USP54: variants seen among roughly 807,000 people sequenced by gnomAD.
USP54 encodes ubiquitin carboxyl-terminal hydrolase 54.
In USP54, 87 loss-of-function variants were observed where a neutral mutation model predicts 170.5. That is an observed-to-expected ratio of 0.51 (90% CI 0.43 to 0.61). USP54 has a LOEUF of 0.61. Among genes scored for constraint, USP54 ranks in the 20% least tolerant of loss-of-function variants. The pLI, the probability that USP54 is intolerant of heterozygous loss-of-function variation, is 0.00. For synonymous variants in USP54, 655 were observed against 742.8 expected (o/e 0.88, Z 1.92); for missense variants, 1,786 against 2,047.8 (o/e 0.87, Z 2.47).
chr10:73,608,581 A>C (rs903501707), intron 1 of USP54, among the ~76,000 whole-genome samples: 6 of 152,166 alleles, frequency 3.9e-5, no homozygotes. Flanking sequence ...CTCACAGATA[A>C]GGGAAGTGAG....
intron 16 of USP54, among the ~76,000 whole-genome samples, chr10:73,524,670 AC>A (rs2133350636): frequency 6.6e-6 from 1 of 152,330 alleles, no homozygotes; most frequent in Admixed American, 6.5e-5. Flanking sequence ...TTCAGCACTT[AC>A]TATGTGCCAG....
intron 1 of USP54, among the ~76,000 whole-genome samples, chr10:73,621,344 GT>G (rs928448864): frequency 6.7e-6 from 1 of 149,890 alleles, no homozygotes; most frequent in Non-Finnish European, 1.5e-5. Context: ...GCTCACGCCT[GT>G]AATCCCAGCA....
At chr10:73,529,265 A>C (rs1177363549) in intron 15 of USP54, 4 of 217,382 alleles carry the variant, frequency 1.8e-5, no homozygotes, top group African/African-American at 9.3e-5. Flanking sequence ...ACATGAACAC[A>C]CAGAGGGGAA....
intron 1 of USP54, among the ~76,000 whole-genome samples, chr10:73,623,972 A>G (rs2081279267): frequency 6.6e-6 from 1 of 151,836 alleles, no homozygotes; most frequent in Admixed American, 6.6e-5. Flanking sequence ...AGAGCTTGTT[A>G]TTGGATTCAT....
intron 1 of USP54, among the ~76,000 whole-genome samples, chr10:73,624,943 T>C (rs2081401436): frequency 6.6e-6 from 1 of 152,338 alleles, no homozygotes; most frequent in Middle Eastern, 3.4e-3. Context: ...AAACTATCCC[T>C]AGATTTAGTG....
At chr10:73,601,079 C>T (rs1319682519) in intron 1 of USP54, among the ~76,000 whole-genome samples, 1 of 152,052 alleles carries the variant, frequency 6.6e-6, no homozygotes, top group Non-Finnish European at 1.5e-5. Flanking sequence ...CTTTTCTAAA[C>T]CAATTTCATG....
upstream of USP54, among the ~76,000 whole-genome samples, chr10:73,593,028 C>T (rs981964962): frequency 6.6e-6 from 1 of 152,128 alleles, no homozygotes; most frequent in Non-Finnish European, 1.5e-5. Flanking sequence ...TGGGTAACTA[C>T]AAGTTTTTGT....
At chr10:73,557,258 G>C (rs73272369) in intron 4 of USP54, among the ~76,000 whole-genome samples, 119 of 151,998 alleles carry the variant, frequency 7.8e-4, no homozygotes, top group African/African-American at 2.8e-3. Flanking sequence ...AAATATTTTA[G>C]TGATATGAGA....
chr10:73,560,107 C>T (rs948705614), intron 4 of USP54, among the ~76,000 whole-genome samples: 1 of 151,964 alleles, frequency 6.6e-6, no homozygotes, highest in African/African-American at 2.4e-5. Flanking sequence ...TTATTAGCCT[C>T]ATCAAACATC....
chr10:73,554,589 G>A (rs2070486303), intron 4 of USP54, among the ~76,000 whole-genome samples: 1 of 152,070 alleles, frequency 6.6e-6, no homozygotes, highest in African/African-American at 2.4e-5. Context: ...AATAACATAG[G>A]ATTTTAACAT....
chr10:73,520,944 A>G lies in USP54; in HGVS notation c.2446T>C (p.Cys816Arg). Residue 816 changes from cysteine (C) to arginine (R), a missense_variant, in exon 18 of 24, where the codon TGT (cysteine) becomes CGT (arginine). Transcript: ENST00000687698. Reference protein sequence around the residue: ...ESLHLEQKGDCAAALALCNEA... With the variant: ...ESLHLEQKGDRAAALALCNEA... ...TTACAGAGAGCCAAAGCTGCAGCAC[A>G]GTCTCCTTTCTGTTCCAGATGTAGT... 1.2e-6 allele frequency: 2 copies of G among 1,614,214 alleles called. No homozygotes were observed. The highest frequency in any genetic ancestry group is 1.7e-6 in the Non-Finnish European group (2 of 1,180,038).
chr10:73,539,329 A>T, intron 10 of USP54, 115 bp downstream of exon 10: 3 of 540,692 alleles, frequency 5.5e-6, no homozygotes, highest in Non-Finnish European at 8.0e-6. Context: ...TATATGTTTT[A>T]TAGAAATGTG....
rs750715188 is a variant in USP54, at chr10:73,526,710, T to G, written c.2131A>C (p.Ser711Arg). ...GCTGTGGAGTCTACCTCCAGGATGC[T>G]ACTGCTGTGCGACTTTGGGATATGA... Reference protein sequence around the residue: ...WRHIPKSHSSSILEVDSTASM... With the variant: ...WRHIPKSHSSRILEVDSTASM... The change falls in exon 16 of 24, where the codon AGC becomes CGC. Residue 711 changes from serine to arginine, a missense_variant. Coordinates refer to ENST00000687698, the MANE Select transcript of USP54 (RefSeq NM_001391956.1). 6.2e-7 allele frequency: 1 copy of G among 1,614,066 alleles called. No individual in the cohort carries two copies. The highest frequency in any genetic ancestry group is 1.3e-5 in the African/African-American group (1 of 74,922).
chr10:73,557,878 C>CTTTTTTT (rs765656681), intron 4 of USP54, among the ~76,000 whole-genome samples: 9 of 114,986 alleles, frequency 7.8e-5, no homozygotes, highest in East Asian at 3.0e-4. Flanking sequence ...AGCTATTATT[C>CTTTTTTT]TTTTTTTTTT....
intron 16 of USP54, among the ~76,000 whole-genome samples, chr10:73,524,868 T>C (rs1308566039): frequency 1.3e-5 from 2 of 152,166 alleles, no homozygotes; most frequent in Admixed American, 6.5e-5. Flanking sequence ...AAATTCATAA[T>C]CATGCTCTAA....
At position 73,530,838 on chromosome 10, in the gene USP54, G is replaced by A; in HGVS notation, c.1316-3C>T. The A allele has an allele frequency of 6.2e-7, 1 of 1,613,554 alleles. No individual in the cohort carries two copies. The highest frequency in any genetic ancestry group is 8.5e-7 in the Non-Finnish European group (1 of 1,179,770). On this transcript the variant is annotated splice_region_variant and splice_polypyrimidine_tract_variant and intron_variant, in intron 12 of 23. Coordinates refer to ENST00000687698, the MANE Select transcript of USP54 (RefSeq NM_001391956.1). ...ACATTCACTATCAGTCAGGTGTCCT[G>A]AAAAAACAAGGAAATTGGGGTAAGC...
At chr10:73,579,334 T>C (rs1323810439) in intron 1 of USP54, among the ~76,000 whole-genome samples, 1 of 152,180 alleles carries the variant, frequency 6.6e-6, no homozygotes, top group African/African-American at 2.4e-5. Context: ...ATGTCTGCTC[T>C]TTGGAAGACA....
intron 1 of USP54, among the ~76,000 whole-genome samples, chr10:73,599,736 T>C (rs1186036882): frequency 7.1e-6 from 1 of 141,690 alleles, no homozygotes; most frequent in Non-Finnish European, 1.6e-5. Context: ...ATAATCTATA[T>C]ATTTATTTTT....
At chr10:73,566,534 C>T (rs1202213374) in intron 4 of USP54, among the ~76,000 whole-genome samples, 1 of 151,936 alleles carries the variant, frequency 6.6e-6, no homozygotes, top group African/African-American at 2.4e-5. Flanking sequence ...AGTTTGAGAC[C>T]AGCCTGGCCA....
Sources: allele counts gnomAD v4.1 joint callset (sites outside exome capture counted in the v4.1 genomes callset), GRCh38; gene constraint gnomAD v4.1.1; transcripts MANE v1.5; gene names NCBI Gene and HGNC (gene_info 2026-07-23, HGNC 2026-07-21).